The following NF1 variants were observed in gnomAD, a reference collection of about 807,000 sequenced individuals.
The protein encoded by NF1 is neurofibromin.
A neutral mutation model predicts 325.7 loss-of-function variants in NF1; 122 were observed. That is an observed-to-expected ratio of 0.37 (90% CI 0.32 to 0.44). NF1 has a LOEUF of 0.44. NF1 is among the 20% of genes least tolerant of loss of function. The probability of loss-of-function intolerance (pLI) is 1.00; values close to 1 mark genes in which losing one functional copy is unlikely to be tolerated. For missense variants in NF1, 2,140 were observed against 3,415.4 expected (o/e 0.63, Z 9.31); for synonymous variants, 1,091 against 1,186.0 (o/e 0.92, Z 1.65).
intron 36 of NF1, among the ~76,000 whole-genome samples, chr17:31,302,419 T>C (rs564961954): frequency 6.6e-6 from 1 of 152,302 alleles, no homozygotes; most frequent in Admixed American, 6.5e-5. Flanking sequence ...TATGATGATT[T>C]AAGGCATGTC....
intron 11 of NF1, among the ~76,000 whole-genome samples, chr17:31,204,741 T>C (rs1446471487): frequency 2.0e-5 from 3 of 152,090 alleles, no homozygotes; most frequent in African/African-American, 7.2e-5. Context: ...AGTTTATCAG[T>C]TTCTGACAAG....
chr17:31,374,391 G>A lies in NF1; in HGVS notation c.*236G>A. 1.8e-6 allele frequency: 1 copy of A among 556,768 alleles called. No homozygotes were observed. Among genetic ancestry groups the A allele is most frequent in the East Asian group, 3.1e-5 (1 of 32,176 alleles). The allele number at this position is 556,768 out of a possible 1,614,324, so 34.5% of individuals were successfully genotyped here. ...TTTGGCGTGTATCTGGTATATGTAA[G>A]TGTTCAGAACAACTGCAAAGAAAGT... On this transcript the variant is annotated 3_prime_UTR_variant, in exon 58 of 58. Transcript: ENST00000358273.
chr17:31,252,659 A>T (rs1216952601), intron 30 of NF1: 4 of 399,944 alleles, frequency 1.0e-5, no homozygotes, highest in Non-Finnish European at 1.8e-5. Flanking sequence ...AATATCCTCA[A>T]ATTCACTTGG....
At chr17:31,178,568 A>G (rs1365110522) in intron 5 of NF1, among the ~76,000 whole-genome samples, 1 of 152,250 alleles carries the variant, frequency 6.6e-6, no homozygotes, top group Non-Finnish European at 1.5e-5. Context: ...ACAGACTGGC[A>G]AATTGGATAA....
intron 36 of NF1, among the ~76,000 whole-genome samples, chr17:31,283,769 T>C (rs981666793): frequency 3.3e-5 from 5 of 152,202 alleles, no homozygotes; most frequent in African/African-American, 1.2e-4. Flanking sequence ...ATTACAGGCA[T>C]GAGCCACCTT....
At chr17:31,359,194 T>C (rs1048465778) in intron 56 of NF1, 179 bp downstream of exon 56, 3 of 585,514 alleles carry the variant, frequency 5.1e-6, no homozygotes, top group Non-Finnish European at 9.1e-6. Flanking sequence ...GGCAGCATGG[T>C]GTTGGGGTGT....
chr17:31,305,323 G>C (rs868808379), intron 36 of NF1: 2 of 1,614,058 alleles, frequency 1.2e-6, no homozygotes, highest in South Asian at 2.2e-5. Context: ...TCCAGCAGAA[G>C]TATGTGCTTC....
At chr17:31,322,967 T>C (rs904205817) in intron 36 of NF1, among the ~76,000 whole-genome samples, 1 of 152,220 alleles carries the variant, frequency 6.6e-6, no homozygotes, top group Non-Finnish European at 1.5e-5. Flanking sequence ...CCTTCTTATA[T>C]CTTGTATACA....
At chr17:31,368,310 T>C (rs1030205756) in intron 57 of NF1, among the ~76,000 whole-genome samples, 3 of 152,086 alleles carry the variant, frequency 2.0e-5, no homozygotes, top group African/African-American at 7.2e-5. Flanking sequence ...CTAATTTTTT[T>C]TGTATTTTCA....
At position 31,135,220 on chromosome 17, in the gene NF1, G is replaced by C. The variant is rs562703087; in HGVS notation, c.61-20763G>C. Among the ~76,000 whole-genome samples the C allele has an allele frequency of 3.9e-5, 6 of 152,286 alleles. 1 individual carries two copies. In the South Asian group the frequency reaches 1.2e-3, roughly 32 times the overall value. On this transcript the variant is annotated intron_variant, in intron 1 of 57. Transcript: ENST00000358273. ...GTTTATGCTTTTTTCTTGCAGATGT[G>C]TCAGTTTTGTGTGTGTGTTATTAGG...
At chr17:31,105,863 C>T (rs568415970) in intron 1 of NF1, among the ~76,000 whole-genome samples, 1 of 152,274 alleles carries the variant, frequency 6.6e-6, no homozygotes, top group African/African-American at 2.4e-5. Context: ...ACCTAACTCC[C>T]GTGTCCCACC....
intron 3 of NF1, 119 bp from the exon 4 acceptor site, chr17:31,163,067 T>G: frequency 1.2e-6 from 1 of 827,998 alleles, no homozygotes; most frequent in South Asian, 1.5e-5. Flanking sequence ...TAAATCTAGG[T>G]GGTGTGTATG....
chr17:31,247,345 G>A (rs1006367704), intron 29 of NF1, among the ~76,000 whole-genome samples: 6 of 152,102 alleles, frequency 3.9e-5, no homozygotes, highest in African/African-American at 4.8e-5. Flanking sequence ...ATAAGAGTAC[G>A]AGGAAAAATC....
intron 1 of NF1, among the ~76,000 whole-genome samples, chr17:31,097,170 A>C: frequency 6.6e-6 from 1 of 152,126 alleles, no homozygotes; most frequent in Non-Finnish European, 1.5e-5. Flanking sequence ...GAGAGGAATG[A>C]TTTTGGGCTG....
At chr17:31,135,108 C>G (rs1597601269) in intron 1 of NF1, among the ~76,000 whole-genome samples, 2 of 152,158 alleles carry the variant, frequency 1.3e-5, no homozygotes, top group African/African-American at 2.4e-5. Flanking sequence ...TTAAGCAGTT[C>G]AACTCTTCTA....
At chr17:31,232,614 G>T in intron 25 of NF1, 86 bp from the exon 26 acceptor site, 2 of 1,269,770 alleles carry the variant, frequency 1.6e-6, no homozygotes, top group Admixed American at 3.6e-5. Flanking sequence ...TTCACACCAT[G>T]CACATATGAT....
At chr17:31,182,707 G>A (rs1220888365) in intron 8 of NF1, 42 bp downstream of exon 8, 4 of 1,577,862 alleles carry the variant, frequency 2.5e-6, no homozygotes, top group Non-Finnish European at 3.5e-6. Context: ...TAGATGTGAA[G>A]CAGTTTATTT....
chr17:31,214,611 C>T (rs184584211), intron 13 of NF1, 26 bp downstream of exon 13: 1 of 1,609,150 alleles, frequency 6.2e-7, no homozygotes, highest in Non-Finnish European at 8.5e-7. Context: ...TGAAATGTCT[C>T]AAAATTATCA....
chr17:31,238,282 A>C (rs1388663273), intron 29 of NF1, among the ~76,000 whole-genome samples: 1 of 152,112 alleles, frequency 6.6e-6, no homozygotes, highest in Non-Finnish European at 1.5e-5. Flanking sequence ...GGGCAGGGGA[A>C]GGGGAAAAGT....
Sources: gnomAD v4.1 joint callset for allele counts (sites outside exome capture counted in the v4.1 genomes callset) on GRCh38, gnomAD v4.1.1 for gene constraint, MANE v1.5 for transcripts, NCBI Gene and HGNC (gene_info 2026-07-23, HGNC 2026-07-21) for gene names.